The following AK9 variants were observed in gnomAD, a reference collection of about 807,000 sequenced individuals.
AK9 encodes adenylate kinase 9.
Under a neutral mutation model 239.6 loss-of-function variants are expected in AK9, and 191 were observed. The observed-to-expected ratio is 0.80, with a 90% CI of 0.71 to 0.90. The LOEUF is 0.90. Among genes scored for constraint, AK9 ranks in the 40% least tolerant of loss-of-function variants. The pLI is 0.00. For missense variants in AK9, 1,995 were observed against 2,214.7 expected, an observed-to-expected ratio of 0.90 and a Z score of 1.99; for synonymous variants, 689 against 721.0, an observed-to-expected ratio of 0.96 and a Z score of 0.71.
intron 6 of AK9, among the ~76,000 whole-genome samples, chr6:109,661,933 G>C (rs958531840): frequency 6.6e-6 from 1 of 152,150 alleles, no homozygotes; most frequent in Non-Finnish European, 1.5e-5. Flanking sequence ...TAATAAAAGA[G>C]AGAATTAGGA....
chr6:109,596,188 T>C (rs1402546107), intron 17 of AK9, among the ~76,000 whole-genome samples: 1 of 152,166 alleles, frequency 6.6e-6, no homozygotes, highest in Non-Finnish European at 1.5e-5. Context: ...CCTTAGGCAA[T>C]GGGCTGTCAG....
At chr6:109,575,089 T>A (rs1032748255) in intron 20 of AK9, among the ~76,000 whole-genome samples, 1 of 152,172 alleles carries the variant, frequency 6.6e-6, no homozygotes, top group African/African-American at 2.4e-5. Flanking sequence ...ATATATCACA[T>A]GTTCTTTATC....
At chr6:109,679,976 T>C (rs993452851) in intron 1 of AK9, among the ~76,000 whole-genome samples, 4 of 152,126 alleles carry the variant, frequency 2.6e-5, no homozygotes. Context: ...CAAAGGTAGA[T>C]AAATCCACAA....
chr6:109,502,577 C>T (rs1403853831), intron 35 of AK9, among the ~76,000 whole-genome samples: 1 of 152,244 alleles, frequency 6.6e-6, no homozygotes, highest in Non-Finnish European at 1.5e-5. Flanking sequence ...TGACACAATA[C>T]ATTTTTGTTG....
intron 5 of AK9, among the ~76,000 whole-genome samples, chr6:109,668,309 A>T (rs897913226): frequency 6.6e-6 from 1 of 151,776 alleles, no homozygotes; most frequent in African/African-American, 2.4e-5. Flanking sequence ...CCATTGTCAG[A>T]TGAGTAGGTT....
chr6:109,633,811 A>C (rs1267818592), intron 10 of AK9, among the ~76,000 whole-genome samples: 1 of 152,156 alleles, frequency 6.6e-6, no homozygotes, highest in Non-Finnish European at 1.5e-5. Context: ...TAATTCTTAA[A>C]ATTTAAAGTC....
intron 7 of AK9, among the ~76,000 whole-genome samples, chr6:109,658,228 C>G (rs1033167865): frequency 5.3e-5 from 8 of 152,054 alleles, no homozygotes; most frequent in African/African-American, 1.9e-4. Flanking sequence ...TGGCTCAATA[C>G]ACGTCTTTTC....
chr6:109,502,216 A>G (rs530698260), intron 35 of AK9, among the ~76,000 whole-genome samples: 1 of 152,204 alleles, frequency 6.6e-6, no homozygotes, highest in Non-Finnish European at 1.5e-5. Context: ...TGTCACTTCC[A>G]AGATTAGTTT....
chr6:109,572,120 T>A (rs1787486894), intron 21 of AK9, among the ~76,000 whole-genome samples: 1 of 152,160 alleles, frequency 6.6e-6, no homozygotes, highest in Non-Finnish European at 1.5e-5. Flanking sequence ...CAGTTAAGCA[T>A]TTAAGAATTT....
At chr6:109,512,891 T>G (rs1025491403) in intron 32 of AK9, among the ~76,000 whole-genome samples, 1 of 152,248 alleles carries the variant, frequency 6.6e-6, no homozygotes, top group African/African-American at 2.4e-5. Flanking sequence ...TGAGACAGGC[T>G]CTCACTCTGT....
chr6:109,505,376 T>C (rs1562323507), intron 35 of AK9, among the ~76,000 whole-genome samples: 1 of 152,232 alleles, frequency 6.6e-6, no homozygotes, highest in Admixed American at 6.5e-5. Flanking sequence ...TTTTTAGAGA[T>C]ATCAGATGTA....
intron 38 of AK9, among the ~76,000 whole-genome samples, chr6:109,496,515 C>T (rs939827961): frequency 7.9e-5 from 12 of 152,200 alleles, no homozygotes; most frequent in Non-Finnish European, 1.2e-4. Flanking sequence ...AAATCTCAAA[C>T]GCTTTTCAGC....
At chr6:109,513,706 C>A (rs1213840209) in intron 32 of AK9, among the ~76,000 whole-genome samples, 2 of 152,166 alleles carry the variant, frequency 1.3e-5, no homozygotes, top group Non-Finnish European at 2.9e-5. Flanking sequence ...TGACCCACTT[C>A]CTTGTAACTG....
intron 1 of AK9, among the ~76,000 whole-genome samples, chr6:109,687,347 C>G (rs1773654990): frequency 6.6e-6 from 1 of 152,202 alleles, no homozygotes; most frequent in Admixed American, 6.5e-5. Context: ...CAGTGAGTCA[C>G]ACCCTTGCAT....
chr6:109,651,085 G>A (rs1798867630), intron 8 of AK9, among the ~76,000 whole-genome samples: 1 of 152,024 alleles, frequency 6.6e-6, no homozygotes, highest in Non-Finnish European at 1.5e-5. Flanking sequence ...CTGTTGTGGG[G>A]TGGGGGTAGT....
chr6:109,533,183 C>G (rs1282273207), intron 28 of AK9, 68 bp downstream of exon 28: 1 of 1,194,594 alleles, frequency 8.4e-7, no homozygotes, highest in African/African-American at 1.6e-5. Flanking sequence ...TTGTGAAGAT[C>G]ACTTTATAAT....
chr6:109,581,268 C>T (rs769189911), intron 19 of AK9, among the ~76,000 whole-genome samples: 6 of 152,132 alleles, frequency 3.9e-5, no homozygotes, highest in Admixed American at 1.3e-4. Flanking sequence ...ACATTTGTCA[C>T]TTTAAATCAA....
chr6:109,594,370 C>CACAA (rs1790722397), intron 17 of AK9, among the ~76,000 whole-genome samples: 1 of 149,034 alleles, frequency 6.7e-6, no homozygotes, highest in Non-Finnish European at 1.5e-5. Context: ...TAAGAGAGGA[C>CACAA]ACAAATGGAA....
At chr6:109,599,682 C>T (rs546580292) in intron 17 of AK9, among the ~76,000 whole-genome samples, 7 of 152,216 alleles carry the variant, frequency 4.6e-5, no homozygotes, top group Admixed American at 2.6e-4. Flanking sequence ...GCCATTTTCA[C>T]GATATTGATT....
Sources: gnomAD v4.1 joint callset for allele counts (sites outside exome capture counted in the v4.1 genomes callset) on GRCh38, gnomAD v4.1.1 for gene constraint, MANE v1.5 for transcripts, NCBI Gene and HGNC (gene_info 2026-07-23, HGNC 2026-07-21) for gene names.